CHD6: variants seen among roughly 807,000 people sequenced by gnomAD.
The protein encoded by CHD6 is chromodomain helicase DNA binding protein 6, also known as ATP-dependent chromatin remodeler CHD6.
Under a neutral mutation model 276.9 loss-of-function variants are expected in CHD6, and 50 were observed. The ratio of observed to expected loss-of-function variants is 0.18; its 90% CI spans 0.14 to 0.23. The LOEUF (loss-of-function observed/expected upper bound fraction) is 0.23. Ranked by LOEUF, CHD6 falls within the 10% of genes least tolerant of loss-of-function variation. CHD6 has a pLI of 1.00. For synonymous variants in CHD6, 1,173 were observed against 1,229.3 expected (o/e 0.95, Z 0.96); for missense variants, 2,564 against 3,365.8 (o/e 0.76, Z 5.89).
chr20:41,570,742 G>A (rs1423681200), intron 1 of CHD6, among the ~76,000 whole-genome samples: 6 of 152,192 alleles, frequency 3.9e-5, no homozygotes, highest in Non-Finnish European at 8.8e-5. Flanking sequence ...CACAAAAGTG[G>A]AATTAGACTA....
chr20:41,524,634 C>A (rs2044484251), intron 3 of CHD6, among the ~76,000 whole-genome samples: 1 of 152,162 alleles, frequency 6.6e-6, no homozygotes, highest in Non-Finnish European at 1.5e-5. Flanking sequence ...GCCTCTCTAA[C>A]CCCAAATACG....
chr20:41,558,137 A>G (rs1040407528), intron 1 of CHD6, among the ~76,000 whole-genome samples: 1 of 152,084 alleles, frequency 6.6e-6, no homozygotes, highest in Admixed American at 6.6e-5. Flanking sequence ...AAATCCCCCA[A>G]CTTCCCATTT....
chr20:41,487,929 T>C (rs1391326600), intron 13 of CHD6, 121 bp from the exon 14 acceptor site: 2 of 970,418 alleles, frequency 2.1e-6, no homozygotes, highest in African/African-American at 3.5e-5. Context: ...TCTGCTTTAA[T>C]GAAAAGATAA....
intron 10 of CHD6, among the ~76,000 whole-genome samples, chr20:41,493,206 G>C (rs1326507582): frequency 6.6e-6 from 1 of 152,090 alleles, no homozygotes; most frequent in Non-Finnish European, 1.5e-5. Context: ...AAACAGGAAA[G>C]ATACTACTGA....
chr20:41,615,306 C>G (rs1175975230), intron 1 of CHD6, among the ~76,000 whole-genome samples: 1 of 149,330 alleles, frequency 6.7e-6, no homozygotes, highest in Non-Finnish European at 1.5e-5. Flanking sequence ...TCAATCAATG[C>G]TAGTTCTTTT....
intron 2 of CHD6, among the ~76,000 whole-genome samples, chr20:41,544,959 C>A (rs1462016688): frequency 6.6e-6 from 1 of 152,048 alleles, no homozygotes; most frequent in Non-Finnish European, 1.5e-5. Flanking sequence ...AGTTCAAACT[C>A]CCATCTCATG....
At chr20:41,579,650 T>C (rs2045515245) in intron 1 of CHD6, among the ~76,000 whole-genome samples, 1 of 152,120 alleles carries the variant, frequency 6.6e-6, no homozygotes. Context: ...CTCTGCACAT[T>C]CCTATGGAGG....
rs191791410 is a variant in CHD6 at position 41,495,812 on chromosome 20, G to C, written c.1092+1572C>G. Among the ~76,000 whole-genome samples the C allele has an allele frequency of 1.5e-4, 23 of 152,300 alleles. No individual in the cohort carries two copies. The East Asian group carries it at 3.9e-3, about 26-fold the overall frequency. On this transcript the variant is annotated intron_variant, in intron 8 of 36. Transcript: ENST00000373233. ...GCAAGAAAACTATCATCTAATCCTT[G>C]CAGGTATTCTGTGAGGCTGATTCTA...
chr20:41,488,612 T>G lies in CHD6; in HGVS notation c.1681-8A>C. 1 of 1,610,760 alleles carries G rather than the reference T, an allele frequency of 6.2e-7. No individual in the cohort carries two copies. The highest frequency in any genetic ancestry group is 1.3e-5 in the African/African-American group (1 of 74,834). ...TCCTGAAAGGGGGTTTCCCTGAGGATGACACAACCAAAGTCAAAGCTTTAC... is the reference window on the plus strand; with the variant it reads ...TCCTGAAAGGGGGTTTCCCTGAGGAGGACACAACCAAAGTCAAAGCTTTAC... On this transcript the variant is annotated splice_polypyrimidine_tract_variant and splice_region_variant and intron_variant, in intron 12 of 36. Transcript: ENST00000373233.
chr20:41,604,602 G>A (rs978148963), intron 1 of CHD6, among the ~76,000 whole-genome samples: 10 of 152,176 alleles, frequency 6.6e-5, no homozygotes, highest in African/African-American at 2.2e-4. Flanking sequence ...ATCCTAAAAC[G>A]GAAAATAACT....
chr20:41,522,766 CT>C (rs1277996761), intron 3 of CHD6, among the ~76,000 whole-genome samples: 1 of 152,140 alleles, frequency 6.6e-6, no homozygotes, highest in Admixed American at 6.5e-5. Context: ...GTCTATTCCA[CT>C]GCAGAAGTGG....
At chr20:41,469,887 A>G (rs1056021942) in intron 17 of CHD6, among the ~76,000 whole-genome samples, 1 of 152,254 alleles carries the variant, frequency 6.6e-6, no homozygotes, top group Non-Finnish European at 1.5e-5. Flanking sequence ...GTTATTCCTA[A>G]GTAGTACCCA....
intron 5 of CHD6, among the ~76,000 whole-genome samples, chr20:41,501,817 A>C (rs1270578336): frequency 6.6e-6 from 1 of 152,202 alleles, no homozygotes; most frequent in Non-Finnish European, 1.5e-5. Context: ...GTGACTTGAT[A>C]ATGTCAGTCT....
chr20:41,559,862 C>A (rs963353030), intron 1 of CHD6, among the ~76,000 whole-genome samples: 1 of 151,858 alleles, frequency 6.6e-6, no homozygotes, highest in Admixed American at 6.6e-5. Flanking sequence ...CTCAGTACCA[C>A]CTTTACACAC....
rs2145974171 is a variant in CHD6 at position 41,514,801 on chromosome 20, G to A, written c.702+4C>T. Reference sequence around the variant, plus strand: ...TCCACCAGGCCTCCCGGTCACAGCTGTACCTGGCTGTCTGTAGACTCAGTG... The same window carrying A: ...TCCACCAGGCCTCCCGGTCACAGCTATACCTGGCTGTCTGTAGACTCAGTG... On this transcript the variant is annotated splice_donor_region_variant and intron_variant, in intron 4 of 36. Transcript: ENST00000373233. 2 of 1,613,666 alleles carry A rather than the reference G, an allele frequency of 1.2e-6. No individual in the cohort carries two copies. Among genetic ancestry groups the A allele is most frequent in the Non-Finnish European group, 1.7e-6 (2 of 1,179,816 alleles).
chr20:41,444,667 A>G (rs1042969679), intron 25 of CHD6, among the ~76,000 whole-genome samples: 3 of 152,174 alleles, frequency 2.0e-5, no homozygotes, highest in Non-Finnish European at 4.4e-5. Flanking sequence ...GAAAGTTAAC[A>G]ACCTTCCAAA....
At chr20:41,487,596 G>A in intron 14 of CHD6, 69 bp downstream of exon 14, 1 of 1,457,518 alleles carries the variant, frequency 6.9e-7, no homozygotes, top group Non-Finnish European at 9.3e-7. Flanking sequence ...TGGCCCCATA[G>A]CATCCTGCTC....
chr20:41,535,169 C>G lies in CHD6; in HGVS notation c.34-1599G>C, dbSNP rs149635062. Among the ~76,000 whole-genome samples the G allele has an allele frequency of 1.3e-3, 193 of 152,186 alleles. 2 individuals carry two copies. Among genetic ancestry groups the G allele is most frequent in the East Asian group, 8.9e-3 (46 of 5,166 alleles). ...CAGCTCATATCTCATGTCCAGGACC[C>G]TTTTCTGAAGGACAGGGGTCCCCAA... On this transcript the variant is annotated intron_variant, in intron 2 of 36. Transcript: ENST00000373233.
At chr20:41,543,819 T>C (rs959207356) in intron 2 of CHD6, among the ~76,000 whole-genome samples, 1 of 152,200 alleles carries the variant, frequency 6.6e-6, no homozygotes, top group Non-Finnish European at 1.5e-5. Context: ...TATTACGTAG[T>C]TCCTGGATAG....
Sources: allele counts gnomAD v4.1 joint callset (sites outside exome capture counted in the v4.1 genomes callset), GRCh38; gene constraint gnomAD v4.1.1; transcripts MANE v1.5; gene names NCBI Gene and HGNC (gene_info 2026-07-23, HGNC 2026-07-21).